Variants in TENM1 observed in about 807,000 individuals in gnomAD.
The protein encoded by TENM1 is teneurin-1.
Under a neutral mutation model 174.8 loss-of-function variants are expected in TENM1, and 35 were observed. The ratio of observed to expected loss-of-function variants is 0.20; its 90% CI spans 0.15 to 0.27. The LOEUF is 0.27. Among genes scored for constraint, TENM1 ranks in the 10% least tolerant of loss-of-function variants. The pLI, the probability that TENM1 is intolerant of heterozygous loss-of-function variation, is 1.00. For missense variants in TENM1, 1,633 were observed against 2,130.1 expected (o/e 0.77, Z 4.59); for synonymous variants, 781 against 798.7 (o/e 0.98, Z 0.37).
chrX:124,699,996 G>A (rs1311474656), intron 5 of TENM1, among the ~76,000 whole-genome samples: 1 of 111,795 alleles, frequency 8.9e-6, no homozygotes, highest in Non-Finnish European at 1.9e-5. Flanking sequence ...GAAGTAATAA[G>A]TATTAAGCAT....
intron 3 of TENM1, among the ~76,000 whole-genome samples, chrX:124,830,592 C>G (rs987486531): frequency 2.7e-5 from 3 of 111,579 alleles, no homozygotes; most frequent in East Asian, 5.6e-4. Context: ...ATGTGAGATA[C>G]TTGGTGATCT....
the TENM1 span, among the ~76,000 whole-genome samples, chrX:125,180,871 T>C: frequency 8.9e-6 from 1 of 111,902 alleles, no homozygotes; most frequent in African/African-American, 3.3e-5. Context: ...GCTTAGAACA[T>C]ATTCTCATCC....
the TENM1 span, among the ~76,000 whole-genome samples, chrX:125,048,588 C>T: frequency 9.9e-5 from 11 of 111,038 alleles, no homozygotes; most frequent in East Asian, 8.6e-4. Flanking sequence ...TAGTACTGGG[C>T]GGATGAGGGA....
At chrX:124,487,156 T>C in intron 21 of TENM1, 53 bp downstream of exon 24, 6 of 1,101,286 alleles carry the variant, frequency 5.4e-6, no homozygotes, top group Non-Finnish European at 7.4e-6. Flanking sequence ...TATCAGGAGG[T>C]AGTCTCATAG....
chrX:125,080,052 AC>A, the TENM1 span, among the ~76,000 whole-genome samples: 4,054 of 110,652 alleles, frequency 0.037, 66 homozygotes, highest in Middle Eastern at 0.13. Flanking sequence ...TCCTCCAGAT[AC>A]GTTTCCTAGC....
intron 3 of TENM1, among the ~76,000 whole-genome samples, chrX:124,862,729 C>A (rs1031711802): frequency 2.7e-5 from 3 of 110,204 alleles, no homozygotes; most frequent in Non-Finnish European, 5.7e-5. Flanking sequence ...AGTCCTAGTG[C>A]TGAAGTAGGC....
At chrX:124,786,758 C>G (rs2055046663) in intron 3 of TENM1, among the ~76,000 whole-genome samples, 1 of 111,365 alleles carries the variant, frequency 9.0e-6, no homozygotes, top group African/African-American at 3.3e-5. Flanking sequence ...TACTGAGCAA[C>G]TGTTTATATG....
At chrX:124,706,609 C>G (rs1353212958) in intron 4 of TENM1, among the ~76,000 whole-genome samples, 7 of 111,904 alleles carry the variant, frequency 6.3e-5, no homozygotes, top group Non-Finnish European at 5.6e-5. Flanking sequence ...GTGTTCATGA[C>G]TATTGTAATA....
At chrX:125,035,586 A>G in the TENM1 span, among the ~76,000 whole-genome samples, 2 of 111,171 alleles carry the variant, frequency 1.8e-5, no homozygotes, top group African/African-American at 3.3e-5. Flanking sequence ...AAGTGATGAC[A>G]ATTAACTTTA....
chrX:125,105,664 G>A, the TENM1 span, among the ~76,000 whole-genome samples: 3 of 111,681 alleles, frequency 2.7e-5, no homozygotes, highest in Non-Finnish European at 5.6e-5. Context: ...CAGATCCCAG[G>A]CAGGGAGAGG....
intron 1 of TENM1, among the ~76,000 whole-genome samples, chrX:124,933,312 T>C (rs1472256987): frequency 8.9e-6 from 1 of 112,042 alleles, no homozygotes. Context: ...GCACACAAAA[T>C]ACAATTGGGA....
At chrX:125,030,329 GC>G in the TENM1 span, among the ~76,000 whole-genome samples, 1 of 111,794 alleles carries the variant, frequency 8.9e-6, no homozygotes, top group African/African-American at 3.3e-5. Flanking sequence ...TGTTTTCTGT[GC>G]TCCATAAATT....
chrX:124,746,347 T>G (rs895854539), intron 3 of TENM1, among the ~76,000 whole-genome samples: 2 of 111,580 alleles, frequency 1.8e-5, no homozygotes, highest in Non-Finnish European at 3.8e-5. Context: ...GTTCATTGAT[T>G]GATTCATTAT....
At chrX:124,631,981 C>T (rs766411469) in intron 11 of TENM1, among the ~76,000 whole-genome samples, 6 of 99,044 alleles carry the variant, frequency 6.1e-5, no homozygotes, top group African/African-American at 1.9e-4. Context: ...GGCGCAATCT[C>T]GGCTCACTGC....
the TENM1 span, among the ~76,000 whole-genome samples, chrX:124,971,163 C>A: frequency 1.1e-3 from 118 of 104,526 alleles, 1 homozygote; most frequent in African/African-American, 4.0e-3. Context: ...GGAGGGATAG[C>A]ATTAGGAGAT....
chrX:124,726,817 C>T (rs1204647629), intron 4 of TENM1, among the ~76,000 whole-genome samples: 1 of 112,291 alleles, frequency 8.9e-6, no homozygotes, highest in East Asian at 2.8e-4. Context: ...GGAGAACTTA[C>T]ATTTATTGGT....
intron 3 of TENM1, among the ~76,000 whole-genome samples, chrX:124,757,832 T>A (rs2054304233): frequency 8.9e-6 from 1 of 112,447 alleles, no homozygotes; most frequent in Admixed American, 9.4e-5. Flanking sequence ...GTATTCTTCA[T>A]AATGTAACAT....
the TENM1 span, among the ~76,000 whole-genome samples, chrX:125,143,190 A>T: frequency 8.9e-6 from 1 of 111,788 alleles, no homozygotes; most frequent in Non-Finnish European, 1.9e-5. Context: ...TCATAACATG[A>T]TTAGTCTTAG....
chrX:124,589,666 G>T (rs145658505), intron 11 of TENM1, among the ~76,000 whole-genome samples: 1,246 of 110,805 alleles, frequency 0.011, 21 homozygotes, highest in African/African-American at 0.038. Context: ...TTCCAGTAAT[G>T]TATCCATTTC....
Sources: allele counts gnomAD v4.1 joint callset (sites outside exome capture counted in the v4.1 genomes callset), GRCh38; gene constraint gnomAD v4.1.1; transcripts MANE v1.5; gene names NCBI Gene and HGNC (gene_info 2026-07-23, HGNC 2026-07-21).